Variants in ENOX2 observed in about 807,000 individuals in gnomAD.
ENOX2 encodes ecto-NOX disulfide-thiol exchanger 2, also known as APK1 antigen.
A neutral mutation model predicts 45.0 loss-of-function variants in ENOX2; 36 were observed. That is an observed-to-expected ratio of 0.80 (90% CI 0.61 to 1.06). The LOEUF is 1.06. ENOX2 is among the 50% of genes least tolerant of loss of function. The pLI is 0.00. For synonymous variants in ENOX2, 174 were observed against 152.3 expected, an observed-to-expected ratio of 1.14 and a Z score of -1.05; for missense variants, 423 against 462.5, an observed-to-expected ratio of 0.91 and a Z score of 0.78.
intron 2 of ENOX2, among the ~76,000 whole-genome samples, chrX:130,846,453 T>G (rs776293331): frequency 7.2e-5 from 8 of 110,612 alleles, no homozygotes; most frequent in Non-Finnish European, 1.3e-4. Context: ...TTCTCCTGCC[T>G]CTGCCTCCTG....
intron 5 of ENOX2, among the ~76,000 whole-genome samples, chrX:130,683,363 T>C (rs937935271): frequency 2.7e-5 from 3 of 112,220 alleles, no homozygotes; most frequent in Non-Finnish European, 3.8e-5. Context: ...AGGGGTTAAA[T>C]GTATCTTAAT....
intron 3 of ENOX2, among the ~76,000 whole-genome samples, chrX:130,740,185 G>A (rs771026173): frequency 1.0e-3 from 114 of 111,907 alleles, no homozygotes; most frequent in Middle Eastern, 4.6e-3. Flanking sequence ...TGGATCGCCT[G>A]AGGCCAGGAG....
At chrX:130,805,739 T>C (rs759329448) in intron 2 of ENOX2, among the ~76,000 whole-genome samples, 104 of 111,685 alleles carry the variant, frequency 9.3e-4, no homozygotes, top group Middle Eastern at 4.7e-3. Context: ...TCTCACTTCA[T>C]TAGAGGCATG....
At chrX:130,868,825 C>A (rs1176292704) in intron 2 of ENOX2, among the ~76,000 whole-genome samples, 1 of 111,211 alleles carries the variant, frequency 9.0e-6, no homozygotes, top group Non-Finnish European at 1.9e-5. Flanking sequence ...TCTTTTCTCC[C>A]AAATTTACTC....
At chrX:130,630,771 A>G (rs1284451104) in intron 13 of ENOX2, among the ~76,000 whole-genome samples, 1 of 111,070 alleles carries the variant, frequency 9.0e-6, no homozygotes, top group African/African-American at 3.3e-5. Flanking sequence ...TGGATACTGT[A>G]TATTTGAGAC....
chrX:130,724,016 A>C (rs962639065), intron 3 of ENOX2, among the ~76,000 whole-genome samples: 5 of 112,031 alleles, frequency 4.5e-5, no homozygotes, highest in African/African-American at 1.6e-4. Flanking sequence ...TAACTCTATC[A>C]GTTTTTGTCT....
At chrX:130,719,769 G>A (rs760950759) in intron 3 of ENOX2, among the ~76,000 whole-genome samples, 3 of 112,455 alleles carry the variant, frequency 2.7e-5, no homozygotes, top group Non-Finnish European at 5.6e-5. Flanking sequence ...ATAAAGCTGA[G>A]TGATAAAATC....
chrX:130,658,242 T>C (rs1157490386), intron 9 of ENOX2, among the ~76,000 whole-genome samples: 1 of 111,276 alleles, frequency 9.0e-6, no homozygotes, highest in African/African-American at 3.3e-5. Flanking sequence ...TAGAAAATGA[T>C]ACCTGAAATA....
intron 5 of ENOX2, among the ~76,000 whole-genome samples, chrX:130,687,332 G>T (rs775267479): frequency 8.9e-6 from 1 of 112,372 alleles, no homozygotes; most frequent in South Asian, 3.7e-4. Context: ...TGCGATAAAT[G>T]AATGATTAAT....
intron 5 of ENOX2, among the ~76,000 whole-genome samples, chrX:130,688,070 C>G (rs1183217784): frequency 1.8e-5 from 2 of 112,118 alleles, no homozygotes; most frequent in Admixed American, 1.9e-4. Flanking sequence ...CTTGGTATGC[C>G]ACCCAGTATG....
intron 10 of ENOX2, among the ~76,000 whole-genome samples, chrX:130,644,666 A>G (rs1377091133): frequency 8.9e-6 from 1 of 112,038 alleles, no homozygotes; most frequent in African/African-American, 3.2e-5. Flanking sequence ...TAGGATTACA[A>G]CTATATAATA....
chrX:130,786,387 CT>C lies in ENOX2; in HGVS notation c.-182-2698del, dbSNP rs145967772. ...GATTAATGACGGTGAAACAGAAAAA[CT>C]TTTTTTTTTTCTTTTATTATTATTA... On this transcript the variant is annotated intron_variant, in intron 2 of 14. Coordinates refer to ENST00000394363, the MANE Select transcript of ENOX2 (RefSeq NM_006375.4). Among the ~76,000 whole-genome samples, 985 of 105,839 alleles carry C rather than the reference CT, an allele frequency of 9.3e-3. 10 individuals carry two copies. Among genetic ancestry groups the C allele is most frequent in the African/African-American group, 0.027 (774 of 29,165 alleles). 91.9% of individuals were successfully genotyped at this position (105,839 alleles called of 115,157 possible). A position where few individuals can be genotyped will look rare whatever the true frequency, so the allele number is the denominator to read the frequency against.
intron 3 of ENOX2, among the ~76,000 whole-genome samples, chrX:130,782,732 C>G (rs2148395053): frequency 9.0e-6 from 1 of 111,287 alleles, no homozygotes; most frequent in East Asian, 2.8e-4. Flanking sequence ...TTTCTATATA[C>G]TACAGATTCT....
chrX:130,644,510 T>A (rs903443351), intron 10 of ENOX2, among the ~76,000 whole-genome samples: 5 of 112,094 alleles, frequency 4.5e-5, no homozygotes, highest in African/African-American at 1.6e-4. Context: ...AGTAAGTGAA[T>A]GGATAAATAA....
intron 3 of ENOX2, among the ~76,000 whole-genome samples, chrX:130,714,783 C>T (rs776798609): frequency 2.7e-5 from 3 of 111,304 alleles, no homozygotes; most frequent in Non-Finnish European, 1.9e-5. Flanking sequence ...AACTACTGTA[C>T]GGTTTGAAAA....
chrX:130,749,753 G>A (rs2039172199), intron 3 of ENOX2, among the ~76,000 whole-genome samples: 1 of 110,519 alleles, frequency 9.0e-6, no homozygotes, highest in Non-Finnish European at 1.9e-5. Context: ...GGCCTTTGAC[G>A]GTAAGAGTGA....
In ENOX2 at chrX:130,899,454, G is replaced by A. The variant is rs1381721459; in HGVS notation, c.-183+2230C>T. On this transcript the variant is annotated intron_variant, in intron 2 of 14. Transcript: ENST00000394363. ...CTCAAGGAGTTCACAGTCTAGTGGG[G>A]AACACAGAGACATCCACAGACCGAC... Among the ~76,000 whole-genome samples the A allele has an allele frequency of 1.1e-4, 12 of 112,087 alleles. No homozygotes were observed. In the Admixed American group the frequency reaches 1.1e-3, roughly 11 times the overall value.
At chrX:130,784,744 T>C (rs929362921) in intron 2 of ENOX2, among the ~76,000 whole-genome samples, 3 of 108,719 alleles carry the variant, frequency 2.8e-5, no homozygotes, top group Non-Finnish European at 5.7e-5. Context: ...TGCACCACCA[T>C]GCCTGGCTAA....
At position 130,893,915 on chromosome X, in the gene ENOX2, C is replaced by T. The variant is rs1015051529; in HGVS notation, c.-183+7769G>A. Among the ~76,000 whole-genome samples the T allele has an allele frequency of 1.8e-4, 20 of 112,006 alleles. No individual in the cohort carries two copies. In the Admixed American group the frequency reaches 1.8e-3, roughly 10 times the overall value. ...CTGCTGACTCAGCAAGCAATAAATA[C>T]GCCTCATAGAATGCTTTTGAAATGA... On this transcript the variant is annotated intron_variant, in intron 2 of 14. Transcript: ENST00000394363.
Sources: allele counts gnomAD v4.1 joint callset (sites outside exome capture counted in the v4.1 genomes callset), GRCh38; gene constraint gnomAD v4.1.1; transcripts MANE v1.5; gene names NCBI Gene and HGNC (gene_info 2026-07-23, HGNC 2026-07-21).